The following OPHN1 variants were observed in gnomAD, a reference collection of about 807,000 sequenced individuals.
OPHN1 encodes the protein oligophrenin-1.
OPHN1 carries 11 observed loss-of-function variants against 60.7 expected under a neutral mutation model. The ratio of observed to expected loss-of-function variants is 0.18; its 90% confidence interval spans 0.11 to 0.30. OPHN1 has a LOEUF of 0.30. OPHN1 is among the 10% of genes least tolerant of loss of function. OPHN1 has a pLI of 1.00. For synonymous variants in OPHN1, 226 were observed against 222.6 expected, an observed-to-expected ratio of 1.02 and a Z score of -0.14; for missense variants, 449 against 611.0, an observed-to-expected ratio of 0.73 and a Z score of 2.80.
At chrX:68,245,591 T>C (rs2077801847) in intron 5 of OPHN1, among the ~76,000 whole-genome samples, 1 of 111,169 alleles carries the variant, frequency 9.0e-6, no homozygotes, top group Admixed American at 9.6e-5. Context: ...ATACACTAGA[T>C]TTACTGTCAT....
intron 2 of OPHN1, among the ~76,000 whole-genome samples, chrX:68,416,057 TATATATATATAGAGAGAGAGAGAG>T (rs1384471355): frequency 4.9e-3 from 39 of 7,880 alleles, no homozygotes; most frequent in African/African-American, 6.2e-3. Context: ...TATATATATA[TATATATATATAGAGAGAGAGAGAG>T]AGAGAGAGAG....
intron 3 of OPHN1, among the ~76,000 whole-genome samples, chrX:68,291,159 A>G (rs781667861): frequency 9.0e-6 from 1 of 111,620 alleles, no homozygotes; most frequent in South Asian, 3.8e-4. Context: ...GAGCCAAGAT[A>G]TAAGGGTCAT....
chrX:68,255,185 C>T lies in OPHN1; in HGVS notation c.384+19553G>A, dbSNP rs535531004. Among the ~76,000 whole-genome samples the T allele has an allele frequency of 3.9e-3, 424 of 109,519 alleles. 3 individuals are homozygous for T. Among genetic ancestry groups the T allele is most frequent in the Middle Eastern group, 9.4e-3 (2 of 212 alleles). ...GGACACTGACTGAAACTTCTAACTG[C>T]CTGCCTCAAGAGTTCTTAAGTCACT... On this transcript the variant is annotated intron_variant, in intron 5 of 24. Transcript: ENST00000355520.
At chrX:68,408,893 G>C (rs940263655) in intron 2 of OPHN1, among the ~76,000 whole-genome samples, 15 of 112,442 alleles carry the variant, frequency 1.3e-4, no homozygotes, top group African/African-American at 4.5e-4. Flanking sequence ...CTCGGGAAGC[G>C]GAGGCTGCAG....
chrX:68,430,212 G>T (rs140546935), intron 2 of OPHN1, among the ~76,000 whole-genome samples: 2 of 111,762 alleles, frequency 1.8e-5, no homozygotes, highest in Non-Finnish European at 3.8e-5. Flanking sequence ...AAGTCGCTCC[G>T]CTGGCACAGT....
intron 5 of OPHN1, among the ~76,000 whole-genome samples, chrX:68,249,346 G>T (rs758382667): frequency 1.8e-5 from 2 of 111,938 alleles, no homozygotes; most frequent in South Asian, 7.5e-4. Context: ...ACTGATGCAA[G>T]AGCAACTGCC....
chrX:68,416,067 TAGAGAGAGAGAGAGAGAG>T (rs1171250178), intron 2 of OPHN1, among the ~76,000 whole-genome samples: 98 of 8,316 alleles, frequency 0.012, no homozygotes, highest in African/African-American at 0.021. Flanking sequence ...TATATATATA[TAGAGAGAGAGAGAGAGAG>T]AGAGAGAGAG....
At chrX:68,183,709 C>G (rs1366524058) in intron 15 of OPHN1, among the ~76,000 whole-genome samples, 1 of 112,056 alleles carries the variant, frequency 8.9e-6, no homozygotes, top group African/African-American at 3.2e-5. Context: ...TGAAGGTGAT[C>G]TATAACCTGA....
intron 16 of OPHN1, 79 bp from the exon 17 acceptor site, chrX:68,113,318 G>A (rs1569215834): frequency 4.9e-6 from 4 of 817,578 alleles, no homozygotes; most frequent in East Asian, 6.5e-5. Flanking sequence ...GGACAGCAAG[G>A]CTGAAGTTCC....
chrX:68,373,656 G>A (rs954533896), intron 2 of OPHN1, among the ~76,000 whole-genome samples: 2 of 111,939 alleles, frequency 1.8e-5, no homozygotes, highest in Non-Finnish European at 3.8e-5. Context: ...TGTTATCAAA[G>A]TTTGTCAATC....
At chrX:68,383,598 G>GAAA (rs10591078) in intron 2 of OPHN1, among the ~76,000 whole-genome samples, 9 of 22,358 alleles carry the variant, frequency 4.0e-4, no homozygotes, top group Non-Finnish European at 7.6e-4. Context: ...CTCCATCCCA[G>GAAA]AAAAAAAAAA....
At chrX:68,337,834 T>G (rs1314162728) in intron 2 of OPHN1, among the ~76,000 whole-genome samples, 1 of 104,799 alleles carries the variant, frequency 9.5e-6, no homozygotes, top group Non-Finnish European at 1.9e-5. Context: ...TCAGGAGAGA[T>G]ATTTTATAAT....
intron 2 of OPHN1, among the ~76,000 whole-genome samples, chrX:68,315,233 G>C (rs1330378883): frequency 9.4e-6 from 1 of 106,178 alleles, no homozygotes; most frequent in Non-Finnish European, 1.9e-5. Context: ...AGACAGAAAA[G>C]AAAGGGAAGA....
chrX:68,299,206 G>T, intron 2 of OPHN1, 110 bp from the exon 3 acceptor site: 1 of 469,426 alleles, frequency 2.1e-6, no homozygotes, highest in Admixed American at 2.8e-5. Context: ...GCTCTGAGCA[G>T]GTTGCAACTA....
At chrX:68,271,543 C>CA (rs1231067613) in intron 5 of OPHN1, among the ~76,000 whole-genome samples, 1 of 109,380 alleles carries the variant, frequency 9.1e-6, no homozygotes, top group African/African-American at 3.3e-5. Flanking sequence ...CCCTGTCTCA[C>CA]AAAAAAAGAA....
intron 5 of OPHN1, among the ~76,000 whole-genome samples, chrX:68,258,414 A>AC (rs1429098319): frequency 7.2e-5 from 1 of 13,948 alleles, no homozygotes; most frequent in Non-Finnish European, 9.9e-5. Context: ...CCCTCCTCCA[A>AC]CCCCCCACCC....
rs1797533126 is a variant in OPHN1, at chrX:68,269,577, A to T, written c.384+5161T>A. ...TGGATCCCTTCCTTACACCTTATAC[A>T]AAAATTAATTCAAGATGGATTAAAG... On this transcript the variant is annotated intron_variant, in intron 5 of 24. Coordinates refer to ENST00000355520, the MANE Select transcript of OPHN1 (RefSeq NM_002547.3). Among the ~76,000 whole-genome samples the T allele has an allele frequency of 6.3e-5, 7 of 111,898 alleles. No individual in the cohort carries two copies. In the South Asian group the frequency reaches 2.2e-3, roughly 36 times the overall value.
intron 15 of OPHN1, among the ~76,000 whole-genome samples, chrX:68,185,208 A>G (rs887149803): frequency 8.9e-6 from 1 of 112,761 alleles, no homozygotes; most frequent in Non-Finnish European, 1.9e-5. Context: ...GATTAACAAA[A>G]GCTATATTTT....
At chrX:68,428,703 T>G (rs765557976) in intron 2 of OPHN1, among the ~76,000 whole-genome samples, 1 of 112,321 alleles carries the variant, frequency 8.9e-6, no homozygotes, top group East Asian at 2.8e-4. Flanking sequence ...AGGGGCCACA[T>G]CACTTGTTCT....
Sources: gnomAD v4.1 joint callset for allele counts (sites outside exome capture counted in the v4.1 genomes callset) on GRCh38, gnomAD v4.1.1 for gene constraint, MANE v1.5 for transcripts, NCBI Gene and HGNC (gene_info 2026-07-23, HGNC 2026-07-21) for gene names.